Variants in ABHD14B observed in about 807,000 individuals in gnomAD.
ABHD14B encodes the protein putative protein-lysine deacylase ABHD14B.
ABHD14B carries 19 observed loss-of-function variants against 15.4 expected under a neutral mutation model. The ratio of observed to expected loss-of-function variants is 1.23; its 90% confidence interval spans 0.86 to 1.81. The LOEUF (loss-of-function observed/expected upper bound fraction) is 1.81, where lower values mean the gene tolerates loss of function less well. Among genes scored for constraint, ABHD14B ranks in the 40% most tolerant of loss-of-function variants. ABHD14B has a pLI of 0.00. For synonymous variants in ABHD14B, 92 were observed against 117.3 expected, an observed-to-expected ratio of 0.78 and a Z score of 1.39; for missense variants, 243 against 267.0, an observed-to-expected ratio of 0.91 and a Z score of 0.63.
chr3:51,972,626 C>T (rs1317826966), intron 1 of ABHD14B, among the ~76,000 whole-genome samples: 2 of 147,912 alleles, frequency 1.4e-5, no homozygotes, highest in African/African-American at 5.3e-5. Flanking sequence ...TGTAAAACCT[C>T]AATATGTGGT....
rs964800462 is a variant in ABHD14B at position 51,969,276 on chromosome 3, GACAA to G, written c.*146_*149del. On this transcript the variant is annotated 3_prime_UTR_variant, in exon 4 of 4. Transcript: ENST00000361143. Reference sequence around the variant, plus strand: ...CACTGCAAGAGAAAGAGGTAGAAAAGACAAACAGACCACAAAAGACAAGAACCCA... The same window carrying G: ...CACTGCAAGAGAAAGAGGTAGAAAAGACAGACCACAAAAGACAAGAACCCA... 15 of 883,686 alleles carry G rather than the reference GACAA, an allele frequency of 1.7e-5. No individual in the cohort carries two copies. Among genetic ancestry groups the G allele is most frequent in the African/African-American group, 5.1e-5 (3 of 58,994 alleles). The allele number at this position is 883,686 out of a possible 1,614,324, so 54.7% of individuals were successfully genotyped here.
At chr3:51,973,863 T>C (rs1053624539) in intron 1 of ABHD14B, 102 bp downstream of exon 1, 101 of 1,289,536 alleles carry the variant, frequency 7.8e-5, no homozygotes, top group Non-Finnish European at 9.7e-5. Flanking sequence ...TGGTGGCAAC[T>C]CCCAAGGAGG....
chr3:51,970,826 A>G (rs1293736800), intron 2 of ABHD14B: 1 of 455,516 alleles, frequency 2.2e-6, no homozygotes, highest in Non-Finnish European at 4.4e-6. Context: ...GGGTGGGGCC[A>G]GCCATGCTGC....
chr3:51,973,508 T>TTTTTTTTTTTTC (rs1292913807), intron 1 of ABHD14B, among the ~76,000 whole-genome samples: 2,192 of 145,704 alleles, frequency 0.015, 69 homozygotes, highest in African/African-American at 0.054. Context: ...TTCTTCGGTT[T>TTTTTTTTTTTTC]TTTTTTTTTT....
chr3:51,971,918 A>C, intron 1 of ABHD14B: 1 of 928,262 alleles, frequency 1.1e-6, no homozygotes, highest in Non-Finnish European at 1.4e-6. Flanking sequence ...AATAAAGCCA[A>C]CTTCAAGAAT....
At position 51,971,715 on chromosome 3, in the gene ABHD14B, C is replaced by T. The variant is rs371729181; in HGVS notation, c.-28-17G>A. The T allele has an allele frequency of 1.2e-5, 19 of 1,597,288 alleles. No homozygotes were observed. Among genetic ancestry groups the T allele is most frequent in the African/African-American group, 9.4e-5 (7 of 74,748 alleles). ...GTGAAGGGCCTGTGGTTCAAAACCA[C>T]GATGATGAGGGGCCACAGAACACCC... On this transcript the variant is annotated splice_polypyrimidine_tract_variant and intron_variant, in intron 1 of 3. Transcript: ENST00000361143.
rs997592115 is a variant in ABHD14B at position 51,971,335 on chromosome 3, G to C, written c.211+125C>G. 7.8e-6 allele frequency: 9 copies of C among 1,156,116 alleles called. No homozygotes were observed. The South Asian group carries it at 1.7e-4, about 22-fold the overall frequency. 71.6% of individuals were successfully genotyped at this position (1,156,116 alleles called of 1,614,324 possible). On this transcript the variant is annotated intron_variant, in intron 2 of 3. Coordinates refer to ENST00000361143, the MANE Select transcript of ABHD14B (RefSeq NM_001146314.2). ...GCTGTCAAGTTCAGGGCCCAGCCTG[G>C]CTGGGTCCTCCAGATCCCACCGCCC...
Sources: gnomAD v4.1 joint callset for allele counts (sites outside exome capture counted in the v4.1 genomes callset) on GRCh38, gnomAD v4.1.1 for gene constraint, MANE v1.5 for transcripts, NCBI Gene and HGNC (gene_info 2026-07-23, HGNC 2026-07-21) for gene names.